The following MCTP1 variants were observed in gnomAD, a reference collection of about 807,000 sequenced individuals.
MCTP1 encodes multiple C2 and transmembrane domain-containing protein 1.
A neutral mutation model predicts 120.6 loss-of-function variants in MCTP1; 69 were observed. That is an observed-to-expected ratio of 0.57 (90% CI 0.47 to 0.70). The LOEUF is 0.70. Ranked by LOEUF, MCTP1 falls within the 30% of genes least tolerant of loss-of-function variation. MCTP1 has a pLI of 0.00. For synonymous variants in MCTP1, 529 were observed against 493.1 expected (o/e 1.07, Z -0.96); for missense variants, 1,203 against 1,248.8 (o/e 0.96, Z 0.55).
At chr5:95,099,650 T>C (rs1756560777) in intron 1 of MCTP1, among the ~76,000 whole-genome samples, 1 of 148,606 alleles carries the variant, frequency 6.7e-6, no homozygotes, top group South Asian at 2.2e-4. Flanking sequence ...TGTGGAGAAA[T>C]AGGAACACTT....
At chr5:95,278,763 G>C (rs1455390608) in intron 1 of MCTP1, among the ~76,000 whole-genome samples, 1 of 152,026 alleles carries the variant, frequency 6.6e-6, no homozygotes, top group Admixed American at 6.5e-5. Context: ...GGGAGTTCGA[G>C]ACGAGCCTAA....
In MCTP1 at chr5:94,912,796, A is replaced by G. The variant is rs1809082868; in HGVS notation, c.1521+10T>C. The G allele has an allele frequency of 6.5e-7, 1 of 1,537,944 alleles. No homozygotes were observed. The highest frequency in any genetic ancestry group is 8.8e-7 in the Non-Finnish European group (1 of 1,142,846). ...AAATATTGACAGGAACACAATAGAG[A>G]CAAGGTTACCTTGCTCTTGTACTTC... On this transcript the variant is annotated intron_variant, in intron 9 of 22. Coordinates refer to ENST00000515393, the MANE Select transcript of MCTP1 (RefSeq NM_024717.7).
intron 17 of MCTP1, among the ~76,000 whole-genome samples, chr5:94,824,148 T>A (rs1348428217): frequency 2.0e-5 from 3 of 152,248 alleles, no homozygotes; most frequent in Non-Finnish European, 4.4e-5. Flanking sequence ...TTCTTCCAGC[T>A]TTTGCCCATT....
At chr5:94,790,939 A>C (rs1175316826) in intron 18 of MCTP1, among the ~76,000 whole-genome samples, 3 of 152,138 alleles carry the variant, frequency 2.0e-5, no homozygotes, top group African/African-American at 7.2e-5. Context: ...GGGACCCAAA[A>C]ATTTCTTTAG....
intron 2 of MCTP1, among the ~76,000 whole-genome samples, chr5:94,996,003 C>A (rs1309487980): frequency 6.6e-6 from 1 of 152,198 alleles, no homozygotes; most frequent in East Asian, 1.9e-4. Flanking sequence ...TAAAATTATT[C>A]TTTTTGGTTC....
At chr5:94,956,239 C>T (rs763990268) in intron 2 of MCTP1, among the ~76,000 whole-genome samples, 3 of 152,014 alleles carry the variant, frequency 2.0e-5, no homozygotes, top group South Asian at 2.1e-4. Context: ...AAAGGATGAC[C>T]GTGGAAAACT....
At chr5:95,018,924 C>T (rs963413358) in intron 1 of MCTP1, among the ~76,000 whole-genome samples, 1 of 152,036 alleles carries the variant, frequency 6.6e-6, no homozygotes, top group East Asian at 1.9e-4. Flanking sequence ...CCAATGACAA[C>T]AATTTGGGAA....
At chr5:95,085,456 C>T (rs2152331351) in intron 1 of MCTP1, among the ~76,000 whole-genome samples, 1 of 143,162 alleles carries the variant, frequency 7.0e-6, no homozygotes, top group Non-Finnish European at 1.5e-5. Context: ...TGTGGTTCTG[C>T]TTAGTTTATT....
chr5:94,952,194 G>T (rs1045708549), intron 3 of MCTP1, among the ~76,000 whole-genome samples: 1 of 67,790 alleles, frequency 1.5e-5, no homozygotes. Context: ...AAAAAAAAAA[G>T]CTATTGAATT....
At chr5:94,878,740 T>G (rs1287656835) in intron 12 of MCTP1, among the ~76,000 whole-genome samples, 18 of 152,058 alleles carry the variant, frequency 1.2e-4, no homozygotes, top group Non-Finnish European at 1.2e-4. Context: ...TCTGCTGTCT[T>G]CAAATTTACT....
chr5:95,047,704 T>C (rs564421529), intron 1 of MCTP1, among the ~76,000 whole-genome samples: 5 of 152,148 alleles, frequency 3.3e-5, no homozygotes, highest in Admixed American at 2.6e-4. Context: ...AGGTATTTAT[T>C]TCATTATTTC....
intron 1 of MCTP1, among the ~76,000 whole-genome samples, chr5:95,223,051 G>A (rs1285166327): frequency 2.0e-5 from 3 of 152,186 alleles, no homozygotes; most frequent in Non-Finnish European, 4.4e-5. Context: ...CTGATTGGAT[G>A]AGGCCCACCC....
At chr5:95,267,104 T>C (rs1455579048) in intron 1 of MCTP1, among the ~76,000 whole-genome samples, 2 of 152,304 alleles carry the variant, frequency 1.3e-5, no homozygotes, top group East Asian at 3.9e-4. Context: ...TCTGAGAAAA[T>C]ATACAGGAAA....
chr5:95,018,985 A>G (rs889906586), intron 1 of MCTP1, among the ~76,000 whole-genome samples: 1 of 152,030 alleles, frequency 6.6e-6, no homozygotes, highest in African/African-American at 2.4e-5. Flanking sequence ...ACATACATAT[A>G]GGTTTGGTTT....
intron 19 of MCTP1, among the ~76,000 whole-genome samples, chr5:94,727,916 C>T (rs577918895): frequency 3.9e-5 from 6 of 152,254 alleles, no homozygotes; most frequent in African/African-American, 1.4e-4. Context: ...CAAAACATAG[C>T]AGATGTCAGT....
intron 1 of MCTP1, among the ~76,000 whole-genome samples, chr5:95,050,855 G>A (rs1030539448): frequency 6.6e-6 from 1 of 152,064 alleles, no homozygotes; most frequent in Non-Finnish European, 1.5e-5. Context: ...GGGTAGGATG[G>A]GCCCCTAATT....
At chr5:95,025,295 G>A (rs1266484957) in intron 1 of MCTP1, among the ~76,000 whole-genome samples, 3 of 152,138 alleles carry the variant, frequency 2.0e-5, no homozygotes, top group Non-Finnish European at 4.4e-5. Context: ...TTTGATAGAG[G>A]TGTCAAGAAT....
chr5:94,805,144 A>C (rs1782026026), intron 17 of MCTP1, among the ~76,000 whole-genome samples: 1 of 152,188 alleles, frequency 6.6e-6, no homozygotes, highest in African/African-American at 2.4e-5. Flanking sequence ...ATTCTTGTTC[A>C]TAGTCTTTGT....
chr5:95,098,306 A>T (rs1562141552), intron 1 of MCTP1, among the ~76,000 whole-genome samples: 1 of 152,220 alleles, frequency 6.6e-6, no homozygotes, highest in Non-Finnish European at 1.5e-5. Context: ...TGATTTAAAC[A>T]AACTTCTTTT....
Sources: allele counts gnomAD v4.1 joint callset (sites outside exome capture counted in the v4.1 genomes callset), GRCh38; gene constraint gnomAD v4.1.1; transcripts MANE v1.5; gene names NCBI Gene and HGNC (gene_info 2026-07-23, HGNC 2026-07-21).